STYX: variants seen among roughly 807,000 people sequenced by gnomAD.
STYX encodes serine/threonine/tyrosine-interacting protein.
STYX carries 20 observed loss-of-function variants against 42.7 expected under a neutral mutation model. The ratio of observed to expected loss-of-function variants is 0.47; its 90% CI spans 0.33 to 0.68. The LOEUF is 0.68. Among genes scored for constraint, STYX ranks in the 30% least tolerant of loss-of-function variants. STYX has a pLI of 0.02. For missense variants in STYX, 226 were observed against 268.5 expected, an observed-to-expected ratio of 0.84 and a Z score of 1.11; for synonymous variants, 78 against 81.9, an observed-to-expected ratio of 0.95 and a Z score of 0.26.
At chr14:52,769,151 T>TA (rs1261161412) in intron 10 of STYX, among the ~76,000 whole-genome samples, 1 of 152,170 alleles carries the variant, frequency 6.6e-6, no homozygotes, top group Non-Finnish European at 1.5e-5. Context: ...ATTAAAATAA[T>TA]ACGAATCTGG....
chr14:52,738,332 C>T (rs566575038), intron 1 of STYX, among the ~76,000 whole-genome samples: 103 of 152,254 alleles, frequency 6.8e-4, no homozygotes, highest in Non-Finnish European at 1.2e-3. Flanking sequence ...TTGCTTTTCC[C>T]TCTTATAATA....
intron 1 of STYX, among the ~76,000 whole-genome samples, chr14:52,732,224 C>T (rs373654164): frequency 1.3e-5 from 2 of 150,796 alleles, no homozygotes; most frequent in African/African-American, 4.9e-5. Context: ...GCCTAAGCCT[C>T]CTGAGTAGCT....
Position 52,771,275 on chromosome 14 carries a change from T to G in STYX, c.*169T>G, listed in dbSNP as rs953391099. 8 of 570,018 alleles carry G rather than the reference T, an allele frequency of 1.4e-5. No individual in the cohort carries two copies. In the African/African-American group the frequency reaches 1.5e-4, roughly 11 times the overall value. The allele number at this position is 570,018 out of a possible 1,614,324, so 35.3% of individuals were successfully genotyped here. A position where few individuals can be genotyped will look rare whatever the true frequency, so the allele number is the denominator to read the frequency against. On this transcript the variant is annotated 3_prime_UTR_variant, in exon 11 of 11. Coordinates refer to ENST00000354586, the MANE Select transcript of STYX (RefSeq NM_145251.4). ...TGAGCAACATTTTAAGATGTTGGAC[T>G]TCTGCAATAGATGACACTGATGGTT...
At position 52,754,047 on chromosome 14, in the gene STYX, G is replaced by A. The variant is rs149487366; in HGVS notation, c.243-2504G>A. On this transcript the variant is annotated intron_variant, in intron 4 of 10. Transcript: ENST00000354586. ...AGAGATTACAGGCATGTGCCACCAC[G>A]CCTGGCTAATTTTTGTATTTTTAGT... Among the ~76,000 whole-genome samples, 777 of 150,926 alleles carry A rather than the reference G, an allele frequency of 5.1e-3. 6 individuals are homozygous for A. Among genetic ancestry groups the A allele is most frequent in the East Asian group, 0.044 (226 of 5,082 alleles).
Position 52,768,858 on chromosome 14 carries a change from C to T in STYX, c.523C>T (p.Leu175=). The T allele has an allele frequency of 1.3e-6, 2 of 1,591,470 alleles. No homozygotes were observed. The highest frequency in any genetic ancestry group is 1.2e-5 in the South Asian group (1 of 84,934). Residue 175 remains leucine, a synonymous_variant, in exon 10 of 11, where the codon CTA becomes TTA. Coordinates refer to ENST00000354586, the MANE Select transcript of STYX (RefSeq NM_145251.4). Reference sequence around the variant, plus strand: ...TTTTTAGGAATATGAAGCCATCTACCTAGCAAAATTAACAATACAGATGAT... The same window carrying T: ...TTTTTAGGAATATGAAGCCATCTACTTAGCAAAATTAACAATACAGATGAT... ...HQLQEYEAIY[L]AKLTIQMMSP... is the part of the protein sequence containing the mutation.
intron 1 of STYX, 139 bp from the exon 2 acceptor site, chr14:52,744,711 CAA>C: frequency 4.2e-6 from 3 of 720,748 alleles, no homozygotes; most frequent in Non-Finnish European, 6.7e-6. Flanking sequence ...TTTGTGAAAC[CAA>C]GTCTGCTATT....
intron 9 of STYX, among the ~76,000 whole-genome samples, chr14:52,762,351 A>C (rs997154020): frequency 1.3e-5 from 2 of 152,136 alleles, no homozygotes; most frequent in African/African-American, 2.4e-5. Flanking sequence ...TTTCTTTTTT[A>C]AGGTGCTTAT....
intron 4 of STYX, among the ~76,000 whole-genome samples, chr14:52,756,120 A>T (rs1412630982): frequency 2.0e-5 from 3 of 152,122 alleles, no homozygotes; most frequent in Non-Finnish European, 4.4e-5. Context: ...CCAGGCTCAC[A>T]CAGTTCTACC....
chr14:52,741,228 A>ATTTT (rs200620004), intron 1 of STYX, among the ~76,000 whole-genome samples: 2 of 126,226 alleles, frequency 1.6e-5, no homozygotes, highest in East Asian at 4.6e-4. Flanking sequence ...ATATATATAT[A>ATTTT]TATTTTTTTT....
At chr14:52,753,878 A>G (rs1460928961) in intron 4 of STYX, among the ~76,000 whole-genome samples, 2 of 140,342 alleles carry the variant, frequency 1.4e-5, no homozygotes, top group Non-Finnish European at 3.1e-5. Context: ...AAAAAGGAAT[A>G]TCCCAAAACA....
rs553185030 is a variant in STYX at position 52,732,802 on chromosome 14, C to A, written c.57+2271C>A. Among the ~76,000 whole-genome samples the A allele has an allele frequency of 7.9e-5, 12 of 152,078 alleles. No individual in the cohort carries two copies. In the South Asian group the frequency reaches 1.2e-3, roughly 16 times the overall value. The stretch of plus-strand genomic sequence containing the variant: ...TCTCCTGCCTCAGCCGCCTGAGTAG[C>A]TGGGATTACAGGCGCCCGCCACCAC... On this transcript the variant is annotated intron_variant, in intron 1 of 10. Transcript: ENST00000354586.
intron 3 of STYX, among the ~76,000 whole-genome samples, chr14:52,747,915 C>A (rs1881455460): frequency 6.6e-6 from 1 of 152,180 alleles, no homozygotes; most frequent in Non-Finnish European, 1.5e-5. Context: ...TTGCTTGAAT[C>A]TGGGAGGTAG....
At chr14:52,736,037 C>A (rs1049803616) in intron 1 of STYX, among the ~76,000 whole-genome samples, 2 of 152,150 alleles carry the variant, frequency 1.3e-5, no homozygotes, top group Non-Finnish European at 2.9e-5. Flanking sequence ...ATGAGCTACT[C>A]TTCTTGCTCC....
intron 4 of STYX, among the ~76,000 whole-genome samples, chr14:52,755,109 GTTTGTTTT>G (rs1366028535): frequency 3.0e-4 from 41 of 135,142 alleles, no homozygotes; most frequent in Admixed American, 6.8e-4. Context: ...GTTTTTTTTT[GTTTGTTTT>G]TTTGTTTTTT....
chr14:52,737,688 A>G (rs1184477679), intron 1 of STYX, among the ~76,000 whole-genome samples: 1 of 152,228 alleles, frequency 6.6e-6, no homozygotes, highest in Non-Finnish European at 1.5e-5. Context: ...TGATAGTGGC[A>G]AGACTTGGTT....
chr14:52,766,541 C>T (rs1229498926), intron 9 of STYX, among the ~76,000 whole-genome samples: 1 of 152,094 alleles, frequency 6.6e-6, no homozygotes, highest in Admixed American at 6.6e-5. Context: ...CTCCTGGGCT[C>T]AAGCGATCCT....
At chr14:52,750,638 A>AATATTTATCTTTT (rs762785085) in intron 3 of STYX, 45 bp from the exon 4 acceptor site, 2 of 1,230,834 alleles carry the variant, frequency 1.6e-6, no homozygotes, top group Non-Finnish European at 2.3e-6. Flanking sequence ...GATATTTTAA[A>AATATTTATCTTTT]ATATTTATCT....
intron 3 of STYX, among the ~76,000 whole-genome samples, chr14:52,747,583 A>G (rs1881438901): frequency 6.6e-6 from 1 of 152,222 alleles, no homozygotes; most frequent in South Asian, 2.1e-4. Flanking sequence ...TAAAAGACAG[A>G]TGTAAACAAG....
In STYX at chr14:52,757,859, T is replaced by G. The variant is rs1881936978; in HGVS notation, c.381-15T>G. Reference sequence around the variant, plus strand: ...TATTTTCTGGTTGTTTTTAAAATTATTTTCCCCTCTTCAGTGCAGCCTTTG... The same window carrying G: ...TATTTTCTGGTTGTTTTTAAAATTAGTTTCCCCTCTTCAGTGCAGCCTTTG... On this transcript the variant is annotated splice_polypyrimidine_tract_variant and intron_variant, in intron 7 of 10. Transcript: ENST00000354586. 6.2e-7 allele frequency: 1 copy of G among 1,612,866 alleles called. No homozygotes were observed. Among genetic ancestry groups the G allele is most frequent in the South Asian group, 1.1e-5 (1 of 91,016 alleles).
Sources: allele counts gnomAD v4.1 joint callset (sites outside exome capture counted in the v4.1 genomes callset), GRCh38; gene constraint gnomAD v4.1.1; transcripts MANE v1.5; gene names NCBI Gene and HGNC (gene_info 2026-07-23, HGNC 2026-07-21).